Variants in GPR158 observed in about 807,000 individuals in gnomAD.
GPR158 encodes metabotropic glycine receptor.
In GPR158, 30 loss-of-function variants were observed where a neutral mutation model predicts 78.2. The ratio of observed to expected loss-of-function variants is 0.38; its 90% CI spans 0.29 to 0.52. GPR158 has a LOEUF of 0.52. Among genes scored for constraint, GPR158 ranks in the 20% least tolerant of loss-of-function variants. The probability of loss-of-function intolerance (pLI) is 0.83; values close to 1 mark genes in which losing one functional copy is unlikely to be tolerated. For synonymous variants in GPR158, 581 were observed against 591.1 expected (o/e 0.98, Z 0.25); for missense variants, 1,463 against 1,523.5 (o/e 0.96, Z 0.66).
At chr10:25,310,946 C>A (rs824147) in intron 2 of GPR158, among the ~76,000 whole-genome samples, 61,104 of 151,796 alleles carry the variant, frequency 0.4, 15,166 homozygotes, top group Non-Finnish European at 0.57. Flanking sequence ...GGAGTCCTAG[C>A]ACCATTTATT....
At chr10:25,360,951 G>A (rs1294715914) in intron 2 of GPR158, among the ~76,000 whole-genome samples, 3 of 151,976 alleles carry the variant, frequency 2.0e-5, no homozygotes, top group Admixed American at 1.3e-4. Flanking sequence ...GCAGTAGTTT[G>A]TAGGTCTCCT....
At chr10:25,399,839 A>G (rs1470535174) in intron 3 of GPR158, among the ~76,000 whole-genome samples, 1 of 152,304 alleles carries the variant, frequency 6.6e-6, no homozygotes, top group Middle Eastern at 3.4e-3. Flanking sequence ...TCTTCATCAT[A>G]GTATCCAGGC....
At chr10:25,198,728 C>T (rs1163862520) in intron 1 of GPR158, among the ~76,000 whole-genome samples, 2 of 152,004 alleles carry the variant, frequency 1.3e-5, no homozygotes, top group Admixed American at 1.3e-4. Flanking sequence ...TAAGGCTGCG[C>T]AATGGGTTAC....
At chr10:25,305,915 C>T (rs1321740707) in intron 2 of GPR158, among the ~76,000 whole-genome samples, 1 of 152,074 alleles carries the variant, frequency 6.6e-6, no homozygotes, top group Non-Finnish European at 1.5e-5. Flanking sequence ...GGCTCAGTCT[C>T]CAAAAAGTGA....
chr10:25,203,558 G>A (rs943907268), intron 1 of GPR158, among the ~76,000 whole-genome samples: 6 of 150,002 alleles, frequency 4.0e-5, no homozygotes, highest in African/African-American at 7.4e-5. Context: ...AAGATCAGAT[G>A]GTTGTAGATG....
chr10:25,445,007 A>T (rs534623922), intron 4 of GPR158, among the ~76,000 whole-genome samples: 7 of 152,290 alleles, frequency 4.6e-5, no homozygotes, highest in African/African-American at 1.7e-4. Context: ...TTGGGGGTAA[A>T]CTATACCTAC....
At chr10:25,425,419 G>T (rs187897650) in intron 4 of GPR158, among the ~76,000 whole-genome samples, 196 of 152,096 alleles carry the variant, frequency 1.3e-3, no homozygotes, top group African/African-American at 4.6e-3. Flanking sequence ...GCATTTCCCT[G>T]ATAATTAGTG....
rs146732767 is a variant in GPR158, at chr10:25,586,033, C to G, written c.1754-2974C>G. Among the ~76,000 whole-genome samples, 419 of 152,182 alleles carry G rather than the reference C, an allele frequency of 2.8e-3. 1 individual carries two copies. The highest frequency in any genetic ancestry group is 9.7e-3 in the African/African-American group (402 of 41,536). ...AGTGTTCAGAGGACAAAGAGACCTT[C>G]TAGGTCTGCTCAAAGAGTTTATGCT... is the stretch of plus-strand genomic sequence containing the variant. On this transcript the variant is annotated intron_variant, in intron 7 of 10. Coordinates refer to ENST00000376351, the MANE Select transcript of GPR158 (RefSeq NM_020752.3).
Position 25,440,930 on chromosome 10 carries a change from A to G in GPR158, c.1336-25721A>G, listed in dbSNP as rs1284437170. Among the ~76,000 whole-genome samples the G allele has an allele frequency of 2.6e-5, 4 of 152,210 alleles. No individual in the cohort carries two copies. The South Asian group carries it at 8.3e-4, about 32-fold the overall frequency. On this transcript the variant is annotated intron_variant, in intron 4 of 10. Transcript: ENST00000376351. ...TTTAGCTCTAGGACCCAAATTTAAA[A>G]TAGATTAGAGGTAGGACTCATAGTC...
chr10:25,566,338 C>G (rs1035117557), intron 6 of GPR158, among the ~76,000 whole-genome samples: 2 of 152,116 alleles, frequency 1.3e-5, no homozygotes, highest in African/African-American at 4.8e-5. Context: ...AAGCATATAT[C>G]TTCAATATTA....
chr10:25,243,180 A>G (rs1370455140), intron 2 of GPR158, among the ~76,000 whole-genome samples: 2 of 152,184 alleles, frequency 1.3e-5, no homozygotes, highest in African/African-American at 2.4e-5. Flanking sequence ...CACATACATC[A>G]TATCAATCCC....
intron 2 of GPR158, among the ~76,000 whole-genome samples, chr10:25,289,749 C>T (rs1854408022): frequency 6.6e-6 from 1 of 152,114 alleles, no homozygotes; most frequent in Non-Finnish European, 1.5e-5. Context: ...AATTGCACAT[C>T]AAAAACTGGT....
In GPR158 at chr10:25,177,016, C is replaced by T. The variant is rs182466816; in HGVS notation, c.902+694C>T. 6.6e-5 allele frequency among the ~76,000 whole-genome samples: 10 copies of T among 152,282 alleles called. No individual in the cohort carries two copies. The East Asian group carries it at 1.7e-3, about 27-fold the overall frequency. ...TTTCCTTCCTCGGTGGCCTTTTCCT[C>T]CTCTTCCCTGTCTTAGGCATACTTA... On this transcript the variant is annotated intron_variant, in intron 1 of 10. Coordinates refer to ENST00000376351, the MANE Select transcript of GPR158 (RefSeq NM_020752.3).
intron 2 of GPR158, among the ~76,000 whole-genome samples, chr10:25,374,144 T>A (rs563809261): frequency 1.1e-4 from 16 of 151,732 alleles, no homozygotes; most frequent in Non-Finnish European, 1.9e-4. Context: ...TACTCATAAA[T>A]GTGTCGTCGT....
chr10:25,424,623 C>T (rs1834794732), intron 4 of GPR158, among the ~76,000 whole-genome samples: 1 of 151,666 alleles, frequency 6.6e-6, no homozygotes, highest in Non-Finnish European at 1.5e-5. Flanking sequence ...TTTCCCAGCA[C>T]CTTTTATTAA....
rs75515020 is a variant in GPR158, at chr10:25,383,602, T to C, written c.1009-12309T>C. ...TCTGCATCGGGAAGGGAGAGATTCA[T>C]TTGTAAAAATTGTAACAGGTGTGGG... On this transcript the variant is annotated intron_variant, in intron 2 of 10. Coordinates refer to ENST00000376351, the MANE Select transcript of GPR158 (RefSeq NM_020752.3). Among the ~76,000 whole-genome samples, 1,217 of 152,318 alleles carry C rather than the reference T, an allele frequency of 8.0e-3. 19 individuals carry two copies. The highest frequency in any genetic ancestry group is 0.027 in the African/African-American group (1,127 of 41,568).
intron 5 of GPR158, among the ~76,000 whole-genome samples, chr10:25,544,115 G>A (rs565839577): frequency 8.5e-5 from 13 of 152,200 alleles, no homozygotes; most frequent in African/African-American, 2.2e-4. Context: ...ATTTTACAAC[G>A]CCTATACTTT....
intron 2 of GPR158, among the ~76,000 whole-genome samples, chr10:25,317,240 G>T (rs1854868127): frequency 6.6e-6 from 1 of 151,568 alleles, no homozygotes; most frequent in African/African-American, 2.4e-5. Context: ...TAGAGATGGG[G>T]TTTCACCATG....
chr10:25,456,683 CTGT>C (rs1470362834), intron 4 of GPR158, among the ~76,000 whole-genome samples: 1 of 152,162 alleles, frequency 6.6e-6, no homozygotes. Context: ...TTATTTACAT[CTGT>C]TTTTACTTAG....
Sources: allele counts gnomAD v4.1 joint callset (sites outside exome capture counted in the v4.1 genomes callset), GRCh38; gene constraint gnomAD v4.1.1; transcripts MANE v1.5; gene names NCBI Gene and HGNC (gene_info 2026-07-23, HGNC 2026-07-21).